NSUN6: variants seen among roughly 807,000 people sequenced by gnomAD.
NSUN6 encodes the protein NOP2/Sun RNA methyltransferase 6, also known as tRNA (cytosine(72)-C(5))-methyltransferase NSUN6.
NSUN6 carries 64 observed loss-of-function variants against 58.0 expected under a neutral mutation model. The observed-to-expected ratio is 1.10, with a 90% CI of 0.90 to 1.36. The LOEUF (loss-of-function observed/expected upper bound fraction) is 1.36, where lower values mean the gene tolerates loss of function less well. Among genes scored for constraint, NSUN6 ranks in the 40% most tolerant of loss-of-function variants. NSUN6 has a pLI of 0.00. For synonymous variants in NSUN6, 231 were observed against 193.9 expected (o/e 1.19, Z -1.59); for missense variants, 701 against 550.1 (o/e 1.27, Z -2.74).
At chr10:18,593,501 T>C (rs1055504008) in intron 7 of NSUN6, among the ~76,000 whole-genome samples, 7 of 152,106 alleles carry the variant, frequency 4.6e-5, no homozygotes, top group Non-Finnish European at 8.8e-5. Context: ...ATGTGGCACA[T>C]AGACACCATG....
intron 9 of NSUN6, among the ~76,000 whole-genome samples, chr10:18,551,244 T>TTGTGTGTGTGTGTGTGTGTGTG (rs35396134): frequency 2.5e-4 from 32 of 127,170 alleles, no homozygotes; most frequent in African/African-American, 3.3e-4. Flanking sequence ...GTCCTCTCAG[T>TTGTGTGTGTGTGTGTGTGTGTG]TGTGTGTGTG....
intron 3 of NSUN6, among the ~76,000 whole-genome samples, chr10:18,630,767 CT>C (rs1202906077): frequency 6.6e-6 from 1 of 152,140 alleles, no homozygotes; most frequent in Non-Finnish European, 1.5e-5. Context: ...TAATCAATAG[CT>C]TACCCACCAA....
intron 8 of NSUN6, among the ~76,000 whole-genome samples, chr10:18,576,940 A>T (rs1303576086): frequency 6.6e-6 from 1 of 152,208 alleles, no homozygotes; most frequent in Non-Finnish European, 1.5e-5. Context: ...TGGGTCCTTC[A>T]ACTCTCATGT....
At chr10:18,560,712 AGGAAT>A (rs761414483) in intron 8 of NSUN6, among the ~76,000 whole-genome samples, 102 of 146,294 alleles carry the variant, frequency 7.0e-4, no homozygotes, top group Non-Finnish European at 1.1e-3. Context: ...GAATGCAATG[AGGAAT>A]GGAATGGAAT....
At chr10:18,582,804 G>A (rs563108129) in intron 8 of NSUN6, among the ~76,000 whole-genome samples, 1 of 152,304 alleles carries the variant, frequency 6.6e-6, no homozygotes, top group South Asian at 2.1e-4. Context: ...TGTCAAAAAA[G>A]CTGCTGAGGA....
At chr10:18,646,489 C>T (rs1052077416) in intron 2 of NSUN6, among the ~76,000 whole-genome samples, 1 of 151,880 alleles carries the variant, frequency 6.6e-6, no homozygotes, top group African/African-American at 2.4e-5. Context: ...CCCATGGGAT[C>T]TTGTATATCC....
At chr10:18,622,968 A>G (rs1254427558) in intron 3 of NSUN6, among the ~76,000 whole-genome samples, 2 of 152,218 alleles carry the variant, frequency 1.3e-5, no homozygotes, top group Non-Finnish European at 2.9e-5. Flanking sequence ...AGCCTTTAGA[A>G]AACGCTGGTT....
chr10:18,623,902 ATC>A (rs2058696474), intron 3 of NSUN6, among the ~76,000 whole-genome samples: 1 of 152,144 alleles, frequency 6.6e-6, no homozygotes, highest in Non-Finnish European at 1.5e-5. Flanking sequence ...CAGAAAACTT[ATC>A]TGACTAGTCC....
intron 3 of NSUN6, 99 bp downstream of exon 3, chr10:18,642,377 C>A: frequency 3.0e-6 from 2 of 661,426 alleles, no homozygotes; most frequent in Non-Finnish European, 5.5e-6. Flanking sequence ...AAGTTGCTAA[C>A]AATGGAGAAA....
chr10:18,547,278 T>C (rs1192177170), intron 10 of NSUN6, among the ~76,000 whole-genome samples: 1 of 152,246 alleles, frequency 6.6e-6, no homozygotes, highest in East Asian at 1.9e-4. Context: ...AGATCGTTTA[T>C]TATCCCATGG....
In NSUN6 at chr10:18,651,274, GAATT is replaced by G; in HGVS notation, c.-75_-72del. 1.4e-6 allele frequency: 2 copies of G among 1,473,714 alleles called. No homozygotes were observed. The highest frequency in any genetic ancestry group is 1.8e-6 in the Non-Finnish European group (2 of 1,118,822). 91.3% of individuals were successfully genotyped at this position (1,473,714 alleles called of 1,614,324 possible). A position where few individuals can be genotyped will look rare whatever the true frequency, so the allele number is the denominator to read the frequency against. ...GTGTTTTGTTTTTTTTTTTCTTTCC[GAATT>G]AATAGTGACGAGTGTCTTGACACCA... On this transcript the variant is annotated 5_prime_UTR_variant, in exon 1 of 11. Coordinates refer to ENST00000377304, the MANE Select transcript of NSUN6 (RefSeq NM_182543.5).
chr10:18,547,751 G>C (rs1432018236), intron 10 of NSUN6, among the ~76,000 whole-genome samples: 3 of 152,020 alleles, frequency 2.0e-5, no homozygotes, highest in African/African-American at 4.8e-5. Flanking sequence ...TGTGACATGA[G>C]AGAAAATGCT....
rs1259967123 is a variant in NSUN6, at chr10:18,583,863, T to C, written c.922+2086A>G. 9.2e-5 allele frequency among the ~76,000 whole-genome samples: 14 copies of C among 152,306 alleles called. 1 individual carries two copies. In the East Asian group the frequency reaches 2.1e-3, roughly 23 times the overall value. On this transcript the variant is annotated intron_variant, in intron 8 of 10. Transcript: ENST00000377304. Reference sequence around the variant, plus strand: ...ATTTTTCTAAGAAAAAAGGAATGAATTGCTATTTTAAAAATTATTTTCTGT... The same window carrying C: ...ATTTTTCTAAGAAAAAAGGAATGAACTGCTATTTTAAAAATTATTTTCTGT...
chr10:18,567,244 T>C (rs2056023624), intron 8 of NSUN6, among the ~76,000 whole-genome samples: 1 of 150,908 alleles, frequency 6.6e-6, no homozygotes, highest in African/African-American at 2.4e-5. Context: ...CCATTCCATA[T>C]TCTATTCCTT....
rs527680135 is a variant in NSUN6 at position 18,598,714 on chromosome 10, C to T, written c.658-2387G>A. 1.6e-3 allele frequency among the ~76,000 whole-genome samples: 244 copies of T among 152,292 alleles called. 3 individuals carry two copies. The highest frequency in any genetic ancestry group is 4.8e-3 in the African/African-American group (201 of 41,568). The stretch of plus-strand genomic sequence containing the variant: ...GTCCTGGGCTCAGGTGAGCTGCCCA[C>T]GTAGGCCTCCCAAAGTGTTGGGATT... On this transcript the variant is annotated intron_variant, in intron 6 of 10. Coordinates refer to ENST00000377304, the MANE Select transcript of NSUN6 (RefSeq NM_182543.5).
chr10:18,569,618 C>CTCCAT (rs1013941606), intron 8 of NSUN6, among the ~76,000 whole-genome samples: 1 of 150,960 alleles, frequency 6.6e-6, no homozygotes, highest in African/African-American at 2.4e-5. Flanking sequence ...CCTTACCAAC[C>CTCCAT]TCCATTCCAT....
In NSUN6 at chr10:18,548,201, A is replaced by G; in HGVS notation, c.1108T>C (p.Tyr370His). Residue 370 changes from tyrosine (Y) to histidine (H), a missense_variant, in exon 10 of 11, where the codon TAT becomes CAT. Coordinates refer to ENST00000377304, the MANE Select transcript of NSUN6 (RefSeq NM_182543.5). ...QLLKPEGVLV[Y>H]STCTITLAEN... ...GCCAGTGTTATAGTGCACGTGCTAT[A>G]AACCAGCACACCCTCTGGCTTCAGC... 1.2e-6 allele frequency: 2 copies of G among 1,613,464 alleles called. No individual in the cohort carries two copies. The highest frequency in any genetic ancestry group is 2.2e-5 in the South Asian group (2 of 91,006).
intron 3 of NSUN6, among the ~76,000 whole-genome samples, chr10:18,628,982 A>C (rs2058929718): frequency 6.6e-6 from 1 of 152,182 alleles, no homozygotes. Context: ...ATGAAGGAAA[A>C]AATGTTCAGG....
At chr10:18,636,815 G>T (rs574078245) in intron 3 of NSUN6, among the ~76,000 whole-genome samples, 1 of 151,708 alleles carries the variant, frequency 6.6e-6, no homozygotes, top group Non-Finnish European at 1.5e-5. Flanking sequence ...CTTGAACCTG[G>T]GAGGCGGAGC....
Sources: gnomAD v4.1 joint callset for allele counts (sites outside exome capture counted in the v4.1 genomes callset) on GRCh38, gnomAD v4.1.1 for gene constraint, MANE v1.5 for transcripts, NCBI Gene and HGNC (gene_info 2026-07-23, HGNC 2026-07-21) for gene names.